TCIRG1: variants seen among roughly 807,000 people sequenced by gnomAD.
The protein encoded by TCIRG1 is V-type proton ATPase 116 kDa subunit a 3.
TCIRG1 carries 86 observed loss-of-function variants against 95.5 expected under a neutral mutation model. The ratio of observed to expected loss-of-function variants is 0.90; its 90% CI spans 0.76 to 1.08. The LOEUF is 1.08. TCIRG1 is among the 50% of genes least tolerant of loss of function. The pLI, the probability that TCIRG1 is intolerant of heterozygous loss-of-function variation, is 0.00. For missense variants in TCIRG1, 1,069 were observed against 1,140.2 expected, an observed-to-expected ratio of 0.94 and a Z score of 0.90; for synonymous variants, 499 against 501.3, an observed-to-expected ratio of 1.00 and a Z score of 0.06.
At position 68,047,265 on chromosome 11, in the gene TCIRG1, C is replaced by T. The variant is rs1030726162; in HGVS notation, c.1166-168C>T. 3.1e-4 allele frequency among the ~76,000 whole-genome samples: 35 copies of T among 113,986 alleles called. 1 individual carries two copies. The highest frequency in any genetic ancestry group is 4.7e-4 in the Non-Finnish European group (24 of 50,982). 74.8% of individuals were successfully genotyped at this position (113,986 alleles called of 152,430 possible). A position where few individuals can be genotyped will look rare whatever the true frequency, so the allele number is the denominator to read the frequency against. Reference sequence around the variant, plus strand: ...ACCTCGGGTGATGCCCCCCCCCCCCCCCGTCTCGGCCTCCCAGAGTGCTGG... The same window carrying T: ...ACCTCGGGTGATGCCCCCCCCCCCCTCCGTCTCGGCCTCCCAGAGTGCTGG... On this transcript the variant is annotated intron_variant, in intron 10 of 19. Transcript: ENST00000265686.
intron 18 of TCIRG1, 22 bp from the exon 19 acceptor site, chr11:68,050,465 C>G (rs1178681737): frequency 3.7e-6 from 6 of 1,612,164 alleles, no homozygotes; most frequent in Non-Finnish European, 5.1e-6. Context: ...CCGTTGGCCC[C>G]CACTGTCTCC....
chr11:68,049,619 T>C, intron 15 of TCIRG1, 44 bp from the exon 16 acceptor site: 1 of 1,589,094 alleles, frequency 6.3e-7, no homozygotes, highest in East Asian at 2.3e-5. Flanking sequence ...CCTTTGCAGG[T>C]GTGCACAGCA....
chr11:68,049,016 CG>C lies in TCIRG1; in HGVS notation c.1673+24del, dbSNP rs534065091. The C allele has an allele frequency of 1.2e-6, 2 of 1,613,000 alleles. No homozygotes were observed. On this transcript the variant is annotated intron_variant, in intron 14 of 19. Transcript: ENST00000265686. The stretch of plus-strand genomic sequence containing the variant: ...ACCACGTGTGAGGGCCAAGGCTGCC[CG>C]GGGGACGGGAGGCTGGCAGGCCAGA...
In TCIRG1 at chr11:68,047,969, T is replaced by C; in HGVS notation, c.1551T>C (p.Asp517=). ...VFLGPYPFGI[D]PIWSLAANHL... ...TGGGACCCTACCCCTTTGGCATCGA[T>C]CCTGTGAGTCCTGGGATGGAGTGTC... Residue 517 remains aspartate, a synonymous_variant, in exon 13 of 20, where the codon GAT becomes GAC. Coordinates refer to ENST00000265686, the MANE Select transcript of TCIRG1 (RefSeq NM_006019.4). 1.2e-6 allele frequency: 2 copies of C among 1,613,340 alleles called. No individual in the cohort carries two copies. Among genetic ancestry groups the C allele is most frequent in the East Asian group, 4.5e-5 (2 of 44,880 alleles).
Position 68,043,469 on chromosome 11 carries a change from T to G in TCIRG1, c.602T>G (p.Leu201Arg). The change falls in exon 6 of 20, where the codon CTG (leucine) becomes CGG (arginine). Residue 201 changes from leucine to arginine, a missense_variant. Physicochemically the swap from Leu to Arg is moderately radical, Grantham distance 102. Coordinates refer to ENST00000265686, the MANE Select transcript of TCIRG1 (RefSeq NM_006019.4). ...RGFLIASFRE[L>R]EQPLEHPVTG... ...TTCCTCATTGCCAGCTTCAGGGAGC[T>G]GGAGCAGCCGCTGGAGCACCCCGTG... The G allele has an allele frequency of 6.4e-7, 1 of 1,556,996 alleles. No individual in the cohort carries two copies. The highest frequency in any genetic ancestry group is 8.7e-7 in the Non-Finnish European group (1 of 1,151,012).
intron 5 of TCIRG1, 152 bp downstream of exon 5, chr11:68,043,183 C>A: frequency 6.6e-6 from 10 of 1,509,304 alleles, no homozygotes; most frequent in South Asian, 1.3e-5. Context: ...CCCACAGTCC[C>A]AAGCCCTAGC....
rs1855179848 is a variant in TCIRG1, at chr11:68,041,756, A to T, written c.121A>T (p.Asn41Tyr). 1 of 1,608,140 alleles carries T rather than the reference A, an allele frequency of 6.2e-7. No homozygotes were observed. The highest frequency in any genetic ancestry group is 8.5e-7 in the Non-Finnish European group (1 of 1,177,650). Residue 41 changes from asparagine (N) to tyrosine (Y), a missense_variant, in exon 3 of 20, where the codon AAC becomes TAC. By Grantham distance (143) the Asn-to-Tyr change is moderately radical. Coordinates refer to ENST00000265686, the MANE Select transcript of TCIRG1 (RefSeq NM_006019.4). Reference protein sequence around the residue: ...ELGLVEFRDLNASVSAFQRRF... With the variant: ...ELGLVEFRDLYASVSAFQRRF... ...CCCCTCCGTGTGGCACCCACAGCTC[A>T]ACGCCTCGGTGAGCGCCTTCCAGAG... is the stretch of plus-strand genomic sequence containing the variant.
chr11:68,050,571 TCCC>T lies in TCIRG1; in HGVS notation c.2323_2325del (p.Pro775del). On this transcript the variant is annotated inframe_deletion, in exon 19 of 20. Coordinates refer to ENST00000265686, the MANE Select transcript of TCIRG1 (RefSeq NM_006019.4). ...GTGGGCGTGGCGGCTGTGGTGCTGG[TCCC>T]CATCTTTGCCGCCTTTGCCGTGATG... The T allele has an allele frequency of 6.2e-7, 1 of 1,613,626 alleles. No homozygotes were observed. Among genetic ancestry groups the T allele is most frequent in the Non-Finnish European group, 8.5e-7 (1 of 1,180,022 alleles).
intron 15 of TCIRG1, 135 bp from the exon 16 acceptor site, chr11:68,049,528 G>A (rs756899211): frequency 6.7e-5 from 85 of 1,275,740 alleles, no homozygotes; most frequent in Non-Finnish European, 8.5e-5. Context: ...CTCACCCAGT[G>A]AGGGCACGGA....
At chr11:68,041,503 C>A in intron 2 of TCIRG1, 115 bp downstream of exon 2, 1 of 851,002 alleles carries the variant, frequency 1.2e-6, no homozygotes, top group East Asian at 2.5e-5. Flanking sequence ...ATTTGAACCC[C>A]AGCGGCCCCT....
In TCIRG1 at chr11:68,049,676, C is replaced by A. The variant is rs1278836574; in HGVS notation, c.1901C>A (p.Ala634Asp). 5 of 1,600,788 alleles carry A rather than the reference C, an allele frequency of 3.1e-6. No individual in the cohort carries two copies. Among genetic ancestry groups the A allele is most frequent in the Admixed American group, 1.7e-5 (1 of 59,754 alleles). Residue 634 changes from alanine to aspartate, a missense_variant, in exon 16 of 20, where the codon GCC becomes GAC. Physicochemically the swap from Ala to Asp is moderately radical, Grantham distance 126 (BLOSUM62 -2). Coordinates refer to ENST00000265686, the MANE Select transcript of TCIRG1 (RefSeq NM_006019.4). The part of the protein sequence containing the change: ...LLYPRQEVVQ[A>D]TLVVLALAMV... ...TCTCCCTGGCAGGAGGTGGTCCAGG[C>A]CACGCTGGTGGTCCTGGCCTTGGCC...
chr11:68,051,718 C>A (rs566383009), downstream of TCIRG1, among the ~76,000 whole-genome samples: 1 of 152,188 alleles, frequency 6.6e-6, no homozygotes, highest in Non-Finnish European at 1.5e-5. Flanking sequence ...CTTAGAGAAA[C>A]GGTGCTCACA....
Position 68,050,547 on chromosome 11 carries a change from T to C in TCIRG1, c.2297T>C (p.Val766Ala), listed in dbSNP as rs749143223. Reference protein sequence around the residue: ...MRIGLGLGREVGVAAVVLVPI... With the variant: ...MRIGLGLGREAGVAAVVLVPI... ...ATAGGCCTGGGCCTGGGCCGGGAGGTGGGCGTGGCGGCTGTGGTGCTGGTC... is the reference window on the plus strand; with the variant it reads ...ATAGGCCTGGGCCTGGGCCGGGAGGCGGGCGTGGCGGCTGTGGTGCTGGTC... Residue 766 changes from valine (V) to alanine (A), a missense_variant, in exon 19 of 20, where the codon GTG becomes GCG. Val to Ala is a moderately conservative substitution (Grantham distance 64, BLOSUM62 0). Transcript: ENST00000265686. The C allele has an allele frequency of 6.2e-7, 1 of 1,613,132 alleles. No homozygotes were observed. The highest frequency in any genetic ancestry group is 8.5e-7 in the Non-Finnish European group (1 of 1,179,986).
chr11:68,050,082 T>C lies in TCIRG1; in HGVS notation c.2118+16T>C. On this transcript the variant is annotated intron_variant, in intron 17 of 19. Coordinates refer to ENST00000265686, the MANE Select transcript of TCIRG1 (RefSeq NM_006019.4). ...GGAGGCCGAGGTGGGTGCAGTGCCT[T>C]CCTGGGGGTGGGACGGCTGAGGCCC... The C allele has an allele frequency of 6.2e-7, 1 of 1,612,648 alleles. No homozygotes were observed. Among genetic ancestry groups the C allele is most frequent in the Non-Finnish European group, 8.5e-7 (1 of 1,179,548 alleles).
At chr11:68,043,964 C>CGGAGGTGGGTGCA in intron 8 of TCIRG1, 57 bp downstream of exon 8, 1 of 1,421,198 alleles carries the variant, frequency 7.0e-7, no homozygotes, top group Middle Eastern at 2.3e-4. Flanking sequence ...CCCGGCCTCC[C>CGGAGGTGGGTGCA]GGAGGTGGGT....
rs746874956 is a variant in TCIRG1 at position 68,049,754 on chromosome 11, G to C, written c.1979G>C (p.Arg660Pro). Residue 660 changes from arginine to proline, a missense_variant, in exon 16 of 20, where the codon CGC becomes CCC. Physicochemically the swap from Arg to Pro is moderately radical, Grantham distance 103. Transcript: ENST00000265686. ...GTPLHLLHRH[R>P]RRLRRRPADR... ...CCCCTGCACCTGCTGCACCGCCACCGCCGCCGCCTGCGGAGGAGGCCCGCT... is the reference window on the plus strand; with the variant it reads ...CCCCTGCACCTGCTGCACCGCCACCCCCGCCGCCTGCGGAGGAGGCCCGCT... 1.9e-6 allele frequency: 3 copies of C among 1,575,970 alleles called. No individual in the cohort carries two copies. In the Admixed American group the frequency reaches 5.4e-5, roughly 28 times the overall value.
At chr11:68,042,503 A>G in intron 3 of TCIRG1, 140 bp from the exon 4 acceptor site, 1 of 698,486 alleles carries the variant, frequency 1.4e-6, no homozygotes, top group Non-Finnish European at 2.5e-6. Context: ...CTTCTGGATG[A>G]AAGTTTGGCC....
At chr11:68,049,536 G>A (rs1565163241) in intron 15 of TCIRG1, 127 bp from the exon 16 acceptor site, 4 of 1,339,816 alleles carry the variant, frequency 3.0e-6, no homozygotes, top group Non-Finnish European at 3.1e-6. Flanking sequence ...GTGAGGGCAC[G>A]GAGCCCCCGG....
At chr11:68,047,273 G>A (rs539658309) in intron 10 of TCIRG1, among the ~76,000 whole-genome samples, 160 bp from the exon 11 acceptor site, 8 of 41,026 alleles carry the variant, frequency 1.9e-4, no homozygotes, top group South Asian at 8.4e-4. Context: ...CCCCCGTCTC[G>A]GCCTCCCAGA....
Sources: gnomAD v4.1 joint callset for allele counts (sites outside exome capture counted in the v4.1 genomes callset) on GRCh38, gnomAD v4.1.1 for gene constraint, MANE v1.5 for transcripts, NCBI Gene and HGNC (gene_info 2026-07-23, HGNC 2026-07-21) for gene names.